COL5A2: variants seen among roughly 807,000 people sequenced by gnomAD.
COL5A2 encodes collagen alpha-2(V) chain.
Under a neutral mutation model 208.2 loss-of-function variants are expected in COL5A2, and 23 were observed. The observed-to-expected ratio is 0.11, with a 90% confidence interval of 0.08 to 0.16. The LOEUF is 0.16. Among genes scored for constraint, COL5A2 ranks in the 10% least tolerant of loss-of-function variants. COL5A2 has a pLI of 1.00. For missense variants in COL5A2, 1,590 were observed against 1,956.4 expected, an observed-to-expected ratio of 0.81 and a Z score of 3.53; for synonymous variants, 625 against 628.5, an observed-to-expected ratio of 0.99 and a Z score of 0.08.
At chr2:189,400,544 T>TTA in the COL5A2 span, among the ~76,000 whole-genome samples, 2 of 152,338 alleles carry the variant, frequency 1.3e-5, no homozygotes, top group South Asian at 4.1e-4. Context: ...ATTAGAGTTA[T>TTA]TATAAAGTCC....
intron 1 of COL5A2, among the ~76,000 whole-genome samples, chr2:189,115,501 CTTACAGGCTTTGAAAAA>C (rs1310960692): frequency 5.9e-5 from 9 of 151,928 alleles, no homozygotes; most frequent in Admixed American, 5.9e-4. Flanking sequence ...TTGGAGTCTA[CTTACAGGCTTTGAAAAA>C]TATATGAAAT....
At chr2:189,322,895 C>T in the COL5A2 span, among the ~76,000 whole-genome samples, 2 of 152,284 alleles carry the variant, frequency 1.3e-5, no homozygotes, top group Middle Eastern at 3.4e-3. Context: ...AGACCAATAT[C>T]CCTGATGAAC....
chr2:189,440,878 A>T, the COL5A2 span, among the ~76,000 whole-genome samples: 2 of 152,210 alleles, frequency 1.3e-5, no homozygotes, highest in African/African-American at 4.8e-5. Context: ...ATGCACCAGA[A>T]TCCCGGAGTA....
chr2:189,173,487 A>G (rs1043136529), intron 1 of COL5A2, among the ~76,000 whole-genome samples: 2 of 152,234 alleles, frequency 1.3e-5, no homozygotes, highest in Admixed American at 6.5e-5. Flanking sequence ...TCCATAGGAT[A>G]GAGTACTTCC....
chr2:189,141,005 C>CA (rs1291687347), intron 1 of COL5A2, among the ~76,000 whole-genome samples: 13 of 152,162 alleles, frequency 8.5e-5, no homozygotes, highest in African/African-American at 3.1e-4. Flanking sequence ...AAAAATACTT[C>CA]AATGATAAAA....
At chr2:189,220,517 T>C (rs1032506683) in intron 1 of COL5A2, among the ~76,000 whole-genome samples, 3 of 151,724 alleles carry the variant, frequency 2.0e-5, no homozygotes, top group Non-Finnish European at 4.4e-5. Flanking sequence ...GGTTTGAACA[T>C]GCCAATCACT....
intron 32 of COL5A2, 85 bp downstream of exon 32, chr2:189,058,764 A>C: frequency 8.8e-6 from 11 of 1,254,192 alleles, no homozygotes; most frequent in Middle Eastern, 1.9e-4. Context: ...GGTTAAAATA[A>C]ATCCCAGTTT....
the COL5A2 span, among the ~76,000 whole-genome samples, chr2:189,384,345 T>C: frequency 6.6e-6 from 1 of 152,278 alleles, no homozygotes; most frequent in East Asian, 1.9e-4. Flanking sequence ...TTTTCTGTAA[T>C]GGCTATACTA....
chr2:189,401,232 G>A, the COL5A2 span, among the ~76,000 whole-genome samples: 3 of 152,064 alleles, frequency 2.0e-5, no homozygotes, highest in African/African-American at 7.2e-5. Flanking sequence ...CTCTCTGACA[G>A]GCATTAGTGT....
chr2:189,379,243 A>G, the COL5A2 span, among the ~76,000 whole-genome samples: 4 of 152,176 alleles, frequency 2.6e-5, no homozygotes, highest in Non-Finnish European at 5.9e-5. Context: ...CAGGCTTAAC[A>G]CTTTTGATTT....
chr2:189,230,544 T>G, the COL5A2 span, among the ~76,000 whole-genome samples: 2 of 151,848 alleles, frequency 1.3e-5, no homozygotes, highest in East Asian at 1.9e-4. Flanking sequence ...TAGATATATA[T>G]TCTAAGAAAA....
chr2:189,123,206 C>G lies in COL5A2; in HGVS notation c.98-12757G>C, dbSNP rs551121563. Among the ~76,000 whole-genome samples the G allele has an allele frequency of 3.3e-4, 50 of 152,244 alleles. 1 individual carries two copies. The South Asian group carries it at 8.5e-3, about 26-fold the overall frequency. On this transcript the variant is annotated intron_variant, in intron 1 of 53. Transcript: ENST00000374866. The stretch of plus-strand genomic sequence containing the variant: ...CTCAAACTGCTGACCTCAAGTGATC[C>G]ACCCACCTCGGCCTCCCAAAGTGCT...
At chr2:189,035,351 CCT>C (rs1685423549) in intron 52 of COL5A2, among the ~76,000 whole-genome samples, 196 bp from the exon 53 acceptor site, 2 of 152,060 alleles carry the variant, frequency 1.3e-5, no homozygotes, top group African/African-American at 4.8e-5. Context: ...CTCAAAAGAA[CCT>C]CTGTCCTTAT....
chr2:189,144,377 CAA>C (rs1410636899), intron 1 of COL5A2, among the ~76,000 whole-genome samples: 4 of 151,946 alleles, frequency 2.6e-5, no homozygotes, highest in African/African-American at 9.7e-5. Flanking sequence ...GGGAGAAAAA[CAA>C]TCAGTGCTTA....
intron 1 of COL5A2, among the ~76,000 whole-genome samples, chr2:189,214,998 T>G (rs1454487911): frequency 6.6e-6 from 1 of 152,144 alleles, no homozygotes; most frequent in Non-Finnish European, 1.5e-5. Flanking sequence ...ATCTTCAGTT[T>G]AAAATTGTGA....
At chr2:189,076,648 A>G (rs1379377479) in intron 16 of COL5A2, among the ~76,000 whole-genome samples, 1 of 152,188 alleles carries the variant, frequency 6.6e-6, no homozygotes, top group African/African-American at 2.4e-5. Context: ...GGCCAAGCAC[A>G]GGGCTTAATG....
the COL5A2 span, among the ~76,000 whole-genome samples, chr2:189,360,166 T>G: frequency 1.3e-5 from 2 of 152,134 alleles, no homozygotes; most frequent in Non-Finnish European, 2.9e-5. Context: ...CTTTCTACTT[T>G]TTGATATAGG....
At chr2:189,335,744 C>T in the COL5A2 span, among the ~76,000 whole-genome samples, 1 of 151,782 alleles carries the variant, frequency 6.6e-6, no homozygotes, top group African/African-American at 2.4e-5. Flanking sequence ...TACCAGCTGC[C>T]AGGGTCTGGG....
the COL5A2 span, among the ~76,000 whole-genome samples, chr2:189,362,920 T>A: frequency 1.8e-3 from 281 of 152,210 alleles, 1 homozygote; most frequent in African/African-American, 6.5e-3. Flanking sequence ...TAAGTTTTTT[T>A]AATTATAAGC....
Sources: gnomAD v4.1 joint callset for allele counts (sites outside exome capture counted in the v4.1 genomes callset) on GRCh38, gnomAD v4.1.1 for gene constraint, MANE v1.5 for transcripts, NCBI Gene and HGNC (gene_info 2026-07-23, HGNC 2026-07-21) for gene names.